Variants in CCNB3 observed in about 807,000 individuals in gnomAD.
The protein encoded by CCNB3 is G2/mitotic-specific cyclin-B3.
A neutral mutation model predicts 68.0 loss-of-function variants in CCNB3; 12 were observed. The observed-to-expected ratio is 0.18, with a 90% CI of 0.11 to 0.29. CCNB3 has a LOEUF of 0.29. Among genes scored for constraint, CCNB3 ranks in the 10% least tolerant of loss-of-function variants. The pLI is 1.00. For synonymous variants in CCNB3, 354 were observed against 388.9 expected, an observed-to-expected ratio of 0.91 and a Z score of 1.06; for missense variants, 904 against 993.1, an observed-to-expected ratio of 0.91 and a Z score of 1.21.
chrX:50,345,732 G>A (rs1923370500), intron 9 of CCNB3, among the ~76,000 whole-genome samples: 1 of 111,568 alleles, frequency 9.0e-6, no homozygotes, highest in Admixed American at 9.5e-5. Flanking sequence ...GATGGCATGA[G>A]GAGAGAAAGG....
In CCNB3 at chrX:50,309,488, A is replaced by C. The variant is rs868964234; in HGVS notation, c.1319A>C (p.Lys440Thr). 4.1e-6 allele frequency: 5 copies of C among 1,211,944 alleles called. No individual in the cohort carries two copies. The highest frequency in any genetic ancestry group is 3.5e-5 in the African/African-American group (2 of 57,877). The change falls in exon 6 of 13, where the codon AAG becomes ACG. Residue 440 changes from lysine (K) to threonine (T), a missense_variant. By Grantham distance (78) the Lys-to-Thr change is moderately conservative. Coordinates refer to ENST00000376042, the MANE Select transcript of CCNB3 (RefSeq NM_033031.3). Reference protein sequence around the residue: ...SFSQEPSALQKKHTTQEEVSI... With the variant: ...SFSQEPSALQTKHTTQEEVSI... ...TCCCAGGAACCATCTGCATTGCAAA[A>C]GAAGCACACCACTCAGGAGGAGGTT...
chrX:50,293,497 G>A (rs782272313), intron 4 of CCNB3, among the ~76,000 whole-genome samples: 102 of 110,668 alleles, frequency 9.2e-4, no homozygotes, highest in African/African-American at 3.3e-3. Flanking sequence ...TTTGATGTGG[G>A]CATTTAGTAT....
intron 1 of CCNB3, among the ~76,000 whole-genome samples, chrX:50,210,577 T>A (rs1935466384): frequency 9.0e-6 from 1 of 111,680 alleles, no homozygotes; most frequent in African/African-American, 3.3e-5. Context: ...AATGGGTTAC[T>A]TGTCTACAAT....
chrX:50,318,220 A>C (rs1372289839), intron 8 of CCNB3, among the ~76,000 whole-genome samples: 3 of 109,906 alleles, frequency 2.7e-5, no homozygotes, highest in Non-Finnish European at 5.7e-5. Context: ...TCTTAAAAAA[A>C]AAAAAAAAAC....
chrX:50,204,437 C>G (rs1286066263), upstream of CCNB3: 2 of 107,935 alleles, frequency 1.9e-5, no homozygotes, highest in Admixed American at 2.0e-4. Flanking sequence ...CTCGCTGGAG[C>G]GCAGAGGCCA....
chrX:50,226,304 A>G (rs1383176779), intron 1 of CCNB3, among the ~76,000 whole-genome samples: 6 of 24,033 alleles, frequency 2.5e-4, no homozygotes, highest in African/African-American at 6.3e-4. Flanking sequence ...ATATATATAT[A>G]GAAATATATA....
At chrX:50,301,875 A>G (rs1315845797) in intron 5 of CCNB3, among the ~76,000 whole-genome samples, 1 of 112,147 alleles carries the variant, frequency 8.9e-6, no homozygotes, top group Non-Finnish European at 1.9e-5. Flanking sequence ...TTGCAGTTTG[A>G]TCTCAGACTG....
chrX:50,210,033 CTT>C (rs1443275100), intron 1 of CCNB3, among the ~76,000 whole-genome samples: 1 of 111,664 alleles, frequency 9.0e-6, no homozygotes, highest in Non-Finnish European at 1.9e-5. Context: ...GTTTTTCTTC[CTT>C]TTGCAAGATT....
chrX:50,346,914 G>A, intron 10 of CCNB3, 107 bp downstream of exon 10: 1 of 827,398 alleles, frequency 1.2e-6, no homozygotes, highest in Non-Finnish European at 1.7e-6. Flanking sequence ...ACAACAGGCA[G>A]CAGGGAGCTT....
chrX:50,226,224 AAT>A (rs1318827043), intron 1 of CCNB3, among the ~76,000 whole-genome samples: 2 of 68,479 alleles, frequency 2.9e-5, no homozygotes, highest in East Asian at 9.0e-4. Flanking sequence ...ATATATATAG[AAT>A]ATATATATTT....
At chrX:50,226,554 AAT>A (rs1179071251) in intron 1 of CCNB3, among the ~76,000 whole-genome samples, 68 of 78,051 alleles carry the variant, frequency 8.7e-4, no homozygotes, top group African/African-American at 2.8e-3. Flanking sequence ...ATATATATAG[AAT>A]ATATATATAA....
At chrX:50,213,156 G>C (rs1313509980) in intron 1 of CCNB3, among the ~76,000 whole-genome samples, 2,488 of 111,936 alleles carry the variant, frequency 0.022, 70 homozygotes, top group African/African-American at 0.076. Flanking sequence ...GGATTGTCTT[G>C]ATTCTGTAGA....
At chrX:50,329,799 C>T in intron 8 of CCNB3, among the ~76,000 whole-genome samples, 1 of 112,276 alleles carries the variant, frequency 8.9e-6, no homozygotes, top group Non-Finnish European at 1.9e-5. Flanking sequence ...GCACATTTTC[C>T]AAACTTCTGC....
rs1453271662 is a variant in CCNB3, at chrX:50,301,273, C to A, written c.335+6280C>A. Among the ~76,000 whole-genome samples, 5 of 110,895 alleles carry A rather than the reference C, an allele frequency of 4.5e-5. No homozygotes were observed. In the East Asian group the frequency reaches 1.4e-3, roughly 31 times the overall value. On this transcript the variant is annotated intron_variant, in intron 5 of 12. Transcript: ENST00000376042. ...TCCCCATCTTTGTGGTTTTATCTGC[C>A]TTTGGTCTTTGGTGATGGTGATGTA...
chrX:50,295,211 A>G (rs181833827), intron 5 of CCNB3, among the ~76,000 whole-genome samples: 1 of 111,424 alleles, frequency 9.0e-6, no homozygotes, highest in East Asian at 2.8e-4. Flanking sequence ...AGCTCTTGTC[A>G]TTGGAAAATT....
In CCNB3 at chrX:50,308,912, C is replaced by G. The variant is rs782348453; in HGVS notation, c.743C>G (p.Ser248Trp). The G allele has an allele frequency of 8.3e-7, 1 of 1,211,192 alleles. No individual in the cohort carries two copies. The highest frequency in any genetic ancestry group is 2.2e-5 in the Admixed American group (1 of 45,975). The change falls in exon 6 of 13, where the codon TCG (serine) becomes TGG (tryptophan). Residue 248 changes from serine to tryptophan, a missense_variant. This residue lies in a region of CCNB3 where 619 missense variants were observed against 609.8 expected (regional missense o/e 1.02). Transcript: ENST00000376042. ...CGGAAGCAGTCCTGCCAGGAAGAGT[C>G]GTTGGCTGTGCAGGATGTCAATATG... is the stretch of plus-strand genomic sequence containing the variant. ...SQRKQSCQEE[S>W]LAVQDVNMEE...
chrX:50,309,291 C>G lies in CCNB3; in HGVS notation c.1122C>G (p.Ser374Arg), dbSNP rs1201652759. Residue 374 changes from serine to arginine, a missense_variant, in exon 6 of 13, where the codon AGC (serine) becomes AGG (arginine). By Grantham distance (110) the Ser-to-Arg change is moderately radical. Coordinates refer to ENST00000376042, the MANE Select transcript of CCNB3 (RefSeq NM_033031.3). ...KESLAFKKKPSTEEAIMMPVI... is the reference protein window; with the variant it reads ...KESLAFKKKPRTEEAIMMPVI... ...CGTTAGCCTTTAAGAAGAAGCCTAG[C>G]ACTGAGGAGGCAATCATGATGCCAG... 8.3e-7 allele frequency: 1 copy of G among 1,209,479 alleles called. No homozygotes were observed. The highest frequency in any genetic ancestry group is 1.1e-6 in the Non-Finnish European group (1 of 894,981).
chrX:50,315,984 C>A (rs1921707159), intron 8 of CCNB3, among the ~76,000 whole-genome samples: 1 of 111,081 alleles, frequency 9.0e-6, no homozygotes, highest in Non-Finnish European at 1.9e-5. Context: ...TACAGATGTA[C>A]CACGGTAATA....
At chrX:50,206,758 GA>G (rs1365395499) in intron 1 of CCNB3, among the ~76,000 whole-genome samples, 137 of 99,376 alleles carry the variant, frequency 1.4e-3, no homozygotes, top group African/African-American at 4.5e-3. Flanking sequence ...TCTACCAAAA[GA>G]AAAAAAAAAT....
Sources: allele counts gnomAD v4.1 joint callset (sites outside exome capture counted in the v4.1 genomes callset), GRCh38; gene constraint gnomAD v4.1.1; regional missense constraint gnomAD v4.1.1; transcripts MANE v1.5; gene names NCBI Gene and HGNC (gene_info 2026-07-23, HGNC 2026-07-21).